PGAP1: variants seen among roughly 807,000 people sequenced by gnomAD.
PGAP1 encodes the protein post-GPI attachment to proteins inositol deacylase 1.
In PGAP1, 76 loss-of-function variants were observed where a neutral mutation model predicts 127.0. The observed-to-expected ratio is 0.60, with a 90% confidence interval of 0.50 to 0.72. The LOEUF (loss-of-function observed/expected upper bound fraction) is 0.72, where lower values mean the gene tolerates loss of function less well. Ranked by LOEUF, PGAP1 falls within the 30% of genes least tolerant of loss-of-function variation. The pLI, the probability that PGAP1 is intolerant of heterozygous loss-of-function variation, is 0.00. For synonymous variants in PGAP1, 362 were observed against 366.5 expected, an observed-to-expected ratio of 0.99 and a Z score of 0.14; for missense variants, 982 against 1,071.3, an observed-to-expected ratio of 0.92 and a Z score of 1.16.
intron 1 of PGAP1, among the ~76,000 whole-genome samples, chr2:196,924,649 T>C (rs1452644103): frequency 2.0e-5 from 3 of 152,170 alleles, no homozygotes; most frequent in Admixed American, 1.3e-4. Flanking sequence ...AAATTATTAA[T>C]AGAAGTGTAA....
chr2:196,865,439 C>T (rs1326373716), intron 19 of PGAP1, among the ~76,000 whole-genome samples: 1 of 152,106 alleles, frequency 6.6e-6, no homozygotes, highest in Non-Finnish European at 1.5e-5. Flanking sequence ...GTTCTTATCC[C>T]TATTCTATAG....
chr2:196,893,278 T>A, intron 7 of PGAP1, 33 bp from the exon 8 acceptor site: 1 of 1,132,828 alleles, frequency 8.8e-7, no homozygotes, highest in Non-Finnish European at 1.3e-6. Context: ...CTGTATCATT[T>A]TGTATCTATT....
At chr2:196,843,828 C>CT in intron 25 of PGAP1, 60 bp downstream of exon 25, 4 of 1,125,234 alleles carry the variant, frequency 3.6e-6, no homozygotes, top group Non-Finnish European at 4.8e-6. Context: ...TAGCAAGTCT[C>CT]TACTTAGGGA....
At chr2:196,860,145 GT>G (rs375283807) in intron 20 of PGAP1, among the ~76,000 whole-genome samples, 1,540 of 150,660 alleles carry the variant, frequency 0.01, 23 homozygotes, top group African/African-American at 0.035. Flanking sequence ...TGTTAGAATT[GT>G]TTTTTTTTGA....
intron 5 of PGAP1, among the ~76,000 whole-genome samples, chr2:196,900,575 A>G (rs1056069182): frequency 9.9e-5 from 15 of 152,244 alleles, no homozygotes; most frequent in Admixed American, 4.6e-4. Flanking sequence ...AAAGTTCCAT[A>G]AGTAAAATAT....
intron 5 of PGAP1, among the ~76,000 whole-genome samples, chr2:196,900,654 G>A (rs1256800587): frequency 6.6e-6 from 1 of 152,172 alleles, no homozygotes; most frequent in African/African-American, 2.4e-5. Context: ...AGCTGGGTGT[G>A]GTGGCTCACA....
intron 1 of PGAP1, among the ~76,000 whole-genome samples, chr2:196,924,006 C>T (rs1703293486): frequency 6.6e-6 from 1 of 152,150 alleles, no homozygotes; most frequent in South Asian, 2.1e-4. Context: ...TATATTTTGC[C>T]TAGTAGGCTT....
chr2:196,882,940 G>A (rs1017356509), intron 12 of PGAP1, among the ~76,000 whole-genome samples: 9 of 152,128 alleles, frequency 5.9e-5, no homozygotes. Context: ...TGGTTTTCAA[G>A]GGGAATGCTT....
At chr2:196,851,218 A>C (rs555743470) in intron 20 of PGAP1, among the ~76,000 whole-genome samples, 12 of 152,178 alleles carry the variant, frequency 7.9e-5, no homozygotes, top group Admixed American at 3.3e-4. Flanking sequence ...AAGGCTGTGA[A>C]GGGAGGGTTC....
At chr2:196,875,863 AT>A in intron 13 of PGAP1, 42 bp from the exon 14 acceptor site, 2 of 1,035,678 alleles carry the variant, frequency 1.9e-6, no homozygotes, top group Non-Finnish European at 2.9e-6. Context: ...AGTAAGTTAA[AT>A]TTACAGTAAA....
At chr2:196,858,636 C>A (rs927340397) in intron 20 of PGAP1, among the ~76,000 whole-genome samples, 1 of 150,850 alleles carries the variant, frequency 6.6e-6, no homozygotes, top group Non-Finnish European at 1.5e-5. Context: ...AAAGCAAGAA[C>A]AAATGAAAAC....
chr2:196,899,550 A>C (rs2125824915), intron 5 of PGAP1, among the ~76,000 whole-genome samples: 1 of 152,370 alleles, frequency 6.6e-6, no homozygotes, highest in Middle Eastern at 3.4e-3. Flanking sequence ...CATTACCAAG[A>C]ATATAATGCT....
At chr2:196,863,206 C>G (rs73064940) in intron 20 of PGAP1, among the ~76,000 whole-genome samples, 15,409 of 152,174 alleles carry the variant, frequency 0.1, 928 homozygotes, top group African/African-American at 0.17. Flanking sequence ...ACCCAGCAAT[C>G]TTACTGCTGT....
intron 5 of PGAP1, among the ~76,000 whole-genome samples, chr2:196,900,694 G>C (rs1351856375): frequency 6.6e-6 from 1 of 152,270 alleles, no homozygotes; most frequent in African/African-American, 2.4e-5. Flanking sequence ...GGGAGGCCAA[G>C]GCAGGTGAAC....
intron 9 of PGAP1, among the ~76,000 whole-genome samples, chr2:196,891,542 A>G (rs1041080682): frequency 1.3e-5 from 2 of 152,118 alleles, no homozygotes; most frequent in Non-Finnish European, 2.9e-5. Flanking sequence ...ATACTGGAGG[A>G]ATAAACCCAC....
At chr2:196,874,888 T>C (rs1270974366) in intron 14 of PGAP1, among the ~76,000 whole-genome samples, 2 of 152,054 alleles carry the variant, frequency 1.3e-5, no homozygotes, top group Non-Finnish European at 2.9e-5. Context: ...TGGTGTCACA[T>C]GCCTGTAGTC....
At chr2:196,845,746 T>C (rs1700538661) in intron 23 of PGAP1, 136 bp downstream of exon 23, 1 of 564,520 alleles carries the variant, frequency 1.8e-6, no homozygotes, top group Non-Finnish European at 2.8e-6. Flanking sequence ...AATAACTAAT[T>C]ACATTCAAAC....
Position 196,893,424 on chromosome 2 carries a change from C to T in PGAP1, c.928-179G>A, listed in dbSNP as rs332299. ...AAAACTCTAAGAGATAATGATTTCG[C>T]CTGCATTTGAAATGTGAATAAACTA... is the stretch of plus-strand genomic sequence containing the variant. On this transcript the variant is annotated intron_variant, in intron 7 of 26. Transcript: ENST00000354764. Among the ~76,000 whole-genome samples the T allele has an allele frequency of 1, 152,306 of 152,324 alleles. 76,144 individuals carry two copies. Among genetic ancestry groups the T allele is most frequent in the Middle Eastern group, 1 (294 of 294 alleles).
intron 12 of PGAP1, among the ~76,000 whole-genome samples, chr2:196,881,062 C>G (rs1432552970): frequency 6.6e-6 from 1 of 152,042 alleles, no homozygotes; most frequent in Non-Finnish European, 1.5e-5. Context: ...TGTTGTTCCC[C>G]CTACATGTCC....
Sources: gnomAD v4.1 joint callset for allele counts (sites outside exome capture counted in the v4.1 genomes callset) on GRCh38, gnomAD v4.1.1 for gene constraint, MANE v1.5 for transcripts, NCBI Gene and HGNC (gene_info 2026-07-23, HGNC 2026-07-21) for gene names.